The following LYPLAL1 variants were observed in gnomAD, a reference collection of about 807,000 sequenced individuals.
The protein encoded by LYPLAL1 is lysophospholipase-like protein 1.
In LYPLAL1, 23 loss-of-function variants were observed where a neutral mutation model predicts 19.7. The ratio of observed to expected loss-of-function variants is 1.17; its 90% CI spans 0.84 to 1.65. The LOEUF (loss-of-function observed/expected upper bound fraction) is 1.65, where lower values mean the gene tolerates loss of function less well. Among genes scored for constraint, LYPLAL1 ranks in the 40% most tolerant of loss-of-function variants. The pLI is 0.00. For missense variants in LYPLAL1, 355 were observed against 279.4 expected, an observed-to-expected ratio of 1.27 and a Z score of -1.93; for synonymous variants, 119 against 96.3, an observed-to-expected ratio of 1.24 and a Z score of -1.38.
chr1:219,354,486 A>G, the LYPLAL1 span, among the ~76,000 whole-genome samples: 1 of 152,228 alleles, frequency 6.6e-6, no homozygotes, highest in Non-Finnish European at 1.5e-5. Context: ...GTGAGCCACC[A>G]TGCCTGGTCA....
the LYPLAL1 span, among the ~76,000 whole-genome samples, chr1:219,274,919 A>G: frequency 6.6e-6 from 1 of 152,278 alleles, no homozygotes; most frequent in East Asian, 1.9e-4. Flanking sequence ...AGTTTTATAT[A>G]CTATTCTTCA....
the LYPLAL1 span, among the ~76,000 whole-genome samples, chr1:219,310,913 A>C: frequency 1.8e-4 from 27 of 152,342 alleles, no homozygotes; most frequent in African/African-American, 6.5e-4. Context: ...AAATAGTTCC[A>C]CTGTCTAAGG....
At chr1:219,258,843 G>C in the LYPLAL1 span, among the ~76,000 whole-genome samples, 6 of 151,986 alleles carry the variant, frequency 3.9e-5, no homozygotes, top group Admixed American at 6.6e-5. Context: ...AACCCACAGA[G>C]TGGGAGAAAA....
At chr1:219,371,317 G>T in the LYPLAL1 span, among the ~76,000 whole-genome samples, 2 of 152,164 alleles carry the variant, frequency 1.3e-5, no homozygotes, top group Non-Finnish European at 2.9e-5. Context: ...CCTTAGGAAT[G>T]AACAGACTTC....
At chr1:219,174,009 T>C in intron 1 of LYPLAL1, 28 bp downstream of exon 1, 3 of 1,613,830 alleles carry the variant, frequency 1.9e-6, no homozygotes, top group Non-Finnish European at 1.7e-6. Context: ...GTCCTGGTTT[T>C]CTACAGCTCG....
the LYPLAL1 span, among the ~76,000 whole-genome samples, chr1:219,254,241 C>T: frequency 6.6e-6 from 1 of 151,972 alleles, no homozygotes; most frequent in African/African-American, 2.4e-5. Context: ...CAGCTTGTCA[C>T]TCTGTGCCTT....
At chr1:219,284,358 C>T in the LYPLAL1 span, among the ~76,000 whole-genome samples, 1 of 152,176 alleles carries the variant, frequency 6.6e-6, no homozygotes, top group East Asian at 1.9e-4. Context: ...CACTCTGCCT[C>T]ATTCATCGTA....
chr1:219,246,958 G>A, the LYPLAL1 span, among the ~76,000 whole-genome samples: 1 of 152,142 alleles, frequency 6.6e-6, no homozygotes, highest in East Asian at 1.9e-4. Context: ...AAACACCTAA[G>A]TTAAACTGCT....
the LYPLAL1 span, among the ~76,000 whole-genome samples, chr1:219,241,134 C>CTCTCTCTCTATA: frequency 7.2e-4 from 32 of 44,360 alleles, no homozygotes; most frequent in East Asian, 3.3e-3. Context: ...CTCTCTCTCT[C>CTCTCTCTCTATA]TATATATATA....
intron 3 of LYPLAL1, among the ~76,000 whole-genome samples, chr1:219,209,983 C>T (rs952965535): frequency 6.6e-6 from 1 of 151,942 alleles, no homozygotes; most frequent in Non-Finnish European, 1.5e-5. Context: ...TTTATTATAT[C>T]ACCATAAATT....
the LYPLAL1 span, among the ~76,000 whole-genome samples, chr1:219,360,244 T>C: frequency 2.0e-5 from 3 of 152,216 alleles, no homozygotes. Context: ...TTCGGTATGC[T>C]TTTAGCATGG....
the LYPLAL1 span, among the ~76,000 whole-genome samples, chr1:219,244,921 A>AAC: frequency 2.0e-5 from 3 of 150,604 alleles, no homozygotes; most frequent in South Asian, 4.2e-4. Flanking sequence ...CAAAAAAAAA[A>AAC]AAAAAACAAA....
downstream of LYPLAL1, among the ~76,000 whole-genome samples, chr1:219,213,174 G>GA (rs1659162453): frequency 6.6e-6 from 1 of 151,964 alleles, no homozygotes; most frequent in South Asian, 2.1e-4. Flanking sequence ...ACTATTTGGT[G>GA]AAACAACTAT....
the LYPLAL1 span, among the ~76,000 whole-genome samples, chr1:219,237,724 G>T: frequency 6.6e-6 from 1 of 152,026 alleles, no homozygotes; most frequent in Non-Finnish European, 1.5e-5. Flanking sequence ...GGAACACCAA[G>T]ACTGAGATAG....
chr1:219,268,123 G>T, the LYPLAL1 span, among the ~76,000 whole-genome samples: 1 of 152,156 alleles, frequency 6.6e-6, no homozygotes. Flanking sequence ...TCCTGCCCTC[G>T]TGGAGCTTAT....
At chr1:219,229,275 T>G in the LYPLAL1 span, among the ~76,000 whole-genome samples, 2 of 144,022 alleles carry the variant, frequency 1.4e-5, no homozygotes, top group African/African-American at 5.4e-5. Context: ...CCCATGGACA[T>G]AGGTGAGGAC....
At chr1:219,320,085 G>A in the LYPLAL1 span, among the ~76,000 whole-genome samples, 1 of 152,206 alleles carries the variant, frequency 6.6e-6, no homozygotes, top group Non-Finnish European at 1.5e-5. Flanking sequence ...AAATATGCAT[G>A]TCTGCTACAG....
chr1:219,300,325 A>G, the LYPLAL1 span, among the ~76,000 whole-genome samples: 1 of 152,174 alleles, frequency 6.6e-6, no homozygotes, highest in Non-Finnish European at 1.5e-5. Context: ...AAGGAAAAGT[A>G]TGGTTAAATT....
At chr1:219,218,629 A>C in the LYPLAL1 span, among the ~76,000 whole-genome samples, 1 of 152,116 alleles carries the variant, frequency 6.6e-6, no homozygotes. Flanking sequence ...AAACATTTCA[A>C]GAAAATTCAG....
Sources: allele counts gnomAD v4.1 joint callset (sites outside exome capture counted in the v4.1 genomes callset), GRCh38; gene constraint gnomAD v4.1.1; transcripts MANE v1.5; gene names NCBI Gene and HGNC (gene_info 2026-07-23, HGNC 2026-07-21).